Variants in SMAD5 observed in about 807,000 individuals in gnomAD.
SMAD5 encodes MAD, mothers against decapentaplegic homolog 5.
In SMAD5, 9 loss-of-function variants were observed where a neutral mutation model predicts 43.1. The ratio of observed to expected loss-of-function variants is 0.21; its 90% CI spans 0.13 to 0.36. The LOEUF is 0.36. SMAD5 is among the 10% of genes least tolerant of loss of function. SMAD5 has a pLI of 1.00. For synonymous variants in SMAD5, 190 were observed against 192.4 expected (o/e 0.99, Z 0.10); for missense variants, 348 against 574.0 (o/e 0.61, Z 4.02).
At chr5:136,148,201 G>A (rs190326893) in intron 2 of SMAD5, among the ~76,000 whole-genome samples, 71 of 151,246 alleles carry the variant, frequency 4.7e-4, no homozygotes, top group African/African-American at 1.7e-3. Flanking sequence ...AAATAATTCA[G>A]TATCATTATA....
chr5:136,175,538 G>A (rs1754385251), intron 7 of SMAD5, among the ~76,000 whole-genome samples: 1 of 152,248 alleles, frequency 6.6e-6, no homozygotes, highest in African/African-American at 2.4e-5. Context: ...TCACCTGACT[G>A]TATTGACATT....
chr5:136,157,820 T>TG (rs1561649078), intron 3 of SMAD5, among the ~76,000 whole-genome samples: 1 of 152,206 alleles, frequency 6.6e-6, no homozygotes. Context: ...GAGCATGAAC[T>TG]GGGGGGGTTA....
At chr5:136,146,975 C>T (rs993358753) in intron 1 of SMAD5, among the ~76,000 whole-genome samples, 2 of 151,336 alleles carry the variant, frequency 1.3e-5, no homozygotes, top group East Asian at 1.9e-4. Flanking sequence ...TATCCTGTTA[C>T]GGGCAGTTGT....
chr5:136,148,364 GTCT>G (rs1456880721), intron 2 of SMAD5, among the ~76,000 whole-genome samples: 1 of 151,458 alleles, frequency 6.6e-6, no homozygotes, highest in Non-Finnish European at 1.5e-5. Context: ...AACAAAGAAT[GTCT>G]TGCTTACTGA....
At chr5:136,173,366 C>T (rs151181508) in intron 6 of SMAD5, among the ~76,000 whole-genome samples, 2 of 152,250 alleles carry the variant, frequency 1.3e-5, no homozygotes, top group Admixed American at 1.3e-4. Flanking sequence ...TTACCCCTTG[C>T]TGCATTTTGC....
At chr5:136,150,287 G>T (rs1438830446) in intron 2 of SMAD5, among the ~76,000 whole-genome samples, 1 of 151,674 alleles carries the variant, frequency 6.6e-6, no homozygotes, top group Non-Finnish European at 1.5e-5. Flanking sequence ...GCTGCCTTCT[G>T]AATGTTTTTA....
intron 7 of SMAD5, among the ~76,000 whole-genome samples, chr5:136,175,317 T>C (rs1004633620): frequency 3.3e-5 from 5 of 152,174 alleles, no homozygotes; most frequent in African/African-American, 1.2e-4. Context: ...AATTGCTATT[T>C]GAGTCTCTTA....
intron 5 of SMAD5, among the ~76,000 whole-genome samples, chr5:136,169,804 G>T (rs1754149711): frequency 6.6e-6 from 1 of 152,094 alleles, no homozygotes; most frequent in East Asian, 1.9e-4. Flanking sequence ...TTTGGATTTT[G>T]GCCATTCTAA....
At chr5:136,159,101 T>G (rs553199091) in intron 3 of SMAD5, among the ~76,000 whole-genome samples, 4 of 152,168 alleles carry the variant, frequency 2.6e-5, no homozygotes, top group Admixed American at 1.3e-4. Flanking sequence ...CAAGAAAAAG[T>G]AGACTCATAG....
chr5:136,153,603 A>T lies in SMAD5; in HGVS notation c.-158A>T, dbSNP rs888926202. ...CCTTTCTCTTTCAGGACTTGACCCA[A>T]TGAAAGAAGCATATGGCACTTGTGA... On this transcript the variant is annotated 5_prime_UTR_variant, in exon 3 of 8. It removes an upstream start codon present in the reference 5' UTR. Coordinates refer to ENST00000545279, the MANE Select transcript of SMAD5 (RefSeq NM_005903.7). The T allele has an allele frequency of 1.3e-4, 79 of 590,962 alleles. No homozygotes were observed. The African/African-American group carries it at 1.4e-3, about 10-fold the overall frequency. 36.6% of individuals were successfully genotyped at this position (590,962 alleles called of 1,614,324 possible). A position where few individuals can be genotyped will look rare whatever the true frequency, so the allele number is the denominator to read the frequency against.
intron 1 of SMAD5, chr5:136,133,937 A>G (rs960122839): frequency 2.0e-5 from 3 of 152,240 alleles, no homozygotes; most frequent in African/African-American, 7.3e-5. Flanking sequence ...GCATTGGAGA[A>G]TGGGGCTTAG....
Position 136,172,455 on chromosome 5 carries a change from A to C in SMAD5, c.797A>C (p.Glu266Ala). The change falls in exon 6 of 8, where the codon GAA becomes GCA. Residue 266 changes from glutamate to alanine, a missense_variant. Glu to Ala is a moderately radical substitution (Grantham distance 107). Transcript: ENST00000545279. ...SSRDVQPVAY[E>A]EPKHWCSIVY... ...ACAGATGTTCAGCCTGTTGCCTATG[A>C]AGAGCCTAAACATTGGTGTTCAATA... The C allele has an allele frequency of 6.2e-7, 1 of 1,609,270 alleles. No homozygotes were observed. The highest frequency in any genetic ancestry group is 8.5e-7 in the Non-Finnish European group (1 of 1,176,214).
chr5:136,141,977 G>T (rs544760871), intron 1 of SMAD5, among the ~76,000 whole-genome samples: 1 of 152,234 alleles, frequency 6.6e-6, no homozygotes, highest in African/African-American at 2.4e-5. Context: ...GACTCTTCAA[G>T]AAATATGTTT....
chr5:136,138,348 G>C, intron 1 of SMAD5, among the ~76,000 whole-genome samples: 1 of 152,316 alleles, frequency 6.6e-6, no homozygotes, highest in Middle Eastern at 3.4e-3. Context: ...TTTGGAAATC[G>C]GGAGCCACAG....
At chr5:136,157,113 A>G (rs1753662189) in intron 3 of SMAD5, among the ~76,000 whole-genome samples, 1 of 152,190 alleles carries the variant, frequency 6.6e-6, no homozygotes, top group Non-Finnish European at 1.5e-5. Flanking sequence ...GGGGTTAGAA[A>G]AGGGTACTGA....
At chr5:136,168,852 TATGCA>T (rs1754114188) in intron 5 of SMAD5, among the ~76,000 whole-genome samples, 1 of 152,232 alleles carries the variant, frequency 6.6e-6, no homozygotes, top group Admixed American at 6.5e-5. Context: ...CACTTAGTAA[TATGCA>T]TTTAAGTTTC....
Position 136,181,518 on chromosome 5 carries a change from G to T in SMAD5, c.*4038G>T, listed in dbSNP as rs1754627576. On this transcript the variant is annotated 3_prime_UTR_variant, in exon 8 of 8. Coordinates refer to ENST00000545279, the MANE Select transcript of SMAD5 (RefSeq NM_005903.7). ...GGTGGTATCAGATATTATTAGGGCA[G>T]CTTTTTGGGGAGTAATCTCAGGTCT... The T allele has an allele frequency of 6.6e-6, 1 of 152,120 alleles. No individual in the cohort carries two copies. Among genetic ancestry groups the T allele is most frequent in the Non-Finnish European group, 1.5e-5 (1 of 67,996 alleles). The allele number at this position is 152,120 out of a possible 1,614,324, so 9.4% of individuals were successfully genotyped here.
At chr5:136,156,307 A>G (rs1474266722) in intron 3 of SMAD5, among the ~76,000 whole-genome samples, 1 of 152,160 alleles carries the variant, frequency 6.6e-6, no homozygotes, top group African/African-American at 2.4e-5. Flanking sequence ...TGTTGGTTAG[A>G]AGGAAGTGAT....
chr5:136,157,766 T>C (rs977001479), intron 3 of SMAD5, among the ~76,000 whole-genome samples: 1 of 152,092 alleles, frequency 6.6e-6, no homozygotes, highest in African/African-American at 2.4e-5. Flanking sequence ...CTTCGCTCAC[T>C]CTCTCTCACC....
Sources: allele counts gnomAD v4.1 joint callset (sites outside exome capture counted in the v4.1 genomes callset), GRCh38; gene constraint gnomAD v4.1.1; transcripts MANE v1.5; gene names NCBI Gene and HGNC (gene_info 2026-07-23, HGNC 2026-07-21).